The following PDZRN3 variants were observed in gnomAD, a reference collection of about 807,000 sequenced individuals.
PDZRN3 encodes E3 ubiquitin-protein ligase PDZRN3.
A neutral mutation model predicts 85.7 loss-of-function variants in PDZRN3; 38 were observed. That is an observed-to-expected ratio of 0.44 (90% CI 0.34 to 0.58). PDZRN3 has a LOEUF of 0.58. PDZRN3 is among the 20% of genes least tolerant of loss of function. The pLI is 0.01. For missense variants in PDZRN3, 1,629 were observed against 1,506.4 expected, an observed-to-expected ratio of 1.08 and a Z score of -1.35; for synonymous variants, 759 against 638.0, an observed-to-expected ratio of 1.19 and a Z score of -2.86.
At chr3:73,540,087 GAAAAAAAAAAAAAA>G (rs1168662549) in intron 3 of PDZRN3, among the ~76,000 whole-genome samples, 1 of 50,004 alleles carries the variant, frequency 2.0e-5, no homozygotes, top group African/African-American at 7.5e-5. Flanking sequence ...ACTGTTGGAT[GAAAAAAAAAAAAAA>G]AAAAAAAAAA....
chr3:73,421,363 T>C (rs1179867477), intron 3 of PDZRN3, among the ~76,000 whole-genome samples: 1 of 152,202 alleles, frequency 6.6e-6, no homozygotes, highest in Non-Finnish European at 1.5e-5. Flanking sequence ...AACCCAAGCC[T>C]TCCCCTTTTA....
At chr3:73,433,947 C>T in intron 3 of PDZRN3, 3 of 1,368,476 alleles carry the variant, frequency 2.2e-6, no homozygotes, top group Non-Finnish European at 2.8e-6. Context: ...CACACATACA[C>T]ACAGACATAC....
In PDZRN3 at chr3:73,500,296, A is replaced by G. The variant is rs185653071; in HGVS notation, c.919-95901T>C. On this transcript the variant is annotated intron_variant, in intron 3 of 9. Transcript: ENST00000263666. Reference sequence around the variant, plus strand: ...ACTCCTGGGCTCAAGCAATTCTCCAACCTCAGCCTCCTAAAGTGCTGGGAT... The same window carrying G: ...ACTCCTGGGCTCAAGCAATTCTCCAGCCTCAGCCTCCTAAAGTGCTGGGAT... Among the ~76,000 whole-genome samples the G allele has an allele frequency of 2.4e-3, 369 of 151,908 alleles. 1 individual carries two copies. Among genetic ancestry groups the G allele is most frequent in the Non-Finnish European group, 4.2e-3 (282 of 67,940 alleles).
At chr3:73,510,552 A>G (rs1239410046) in intron 3 of PDZRN3, among the ~76,000 whole-genome samples, 1 of 152,238 alleles carries the variant, frequency 6.6e-6, no homozygotes, top group Non-Finnish European at 1.5e-5. Flanking sequence ...CACAAAATAC[A>G]GAAGGAAAGA....
chr3:73,402,228 T>C (rs745932647), intron 4 of PDZRN3, among the ~76,000 whole-genome samples: 3 of 152,140 alleles, frequency 2.0e-5, no homozygotes, highest in Non-Finnish European at 2.9e-5. Context: ...AAATTACAGG[T>C]TTAGCTTCTA....
chr3:73,391,055 G>C lies in PDZRN3; in HGVS notation c.1316C>G (p.Thr439Arg), dbSNP rs201195316. ...DKLGLTVCYR[T>R]DDEDDIGIYI... ...AATCCCAATGTCGTCTTCATCGTCCGTCCGGTAGCACACAGTGAGGCCCAG... is the reference window on the plus strand; with the variant it reads ...AATCCCAATGTCGTCTTCATCGTCCCTCCGGTAGCACACAGTGAGGCCCAG... The change falls in exon 6 of 10, where the codon ACG becomes AGG. Residue 439 changes from threonine to arginine, a missense_variant. Coordinates refer to ENST00000263666, the MANE Select transcript of PDZRN3 (RefSeq NM_015009.3). 1.4e-4 allele frequency: 220 copies of C among 1,613,458 alleles called. No individual in the cohort carries two copies. Among genetic ancestry groups the C allele is most frequent in the Non-Finnish European group, 1.5e-4 (178 of 1,179,604 alleles).
intron 3 of PDZRN3, among the ~76,000 whole-genome samples, chr3:73,428,258 G>C (rs1702358551): frequency 6.6e-6 from 1 of 152,186 alleles, no homozygotes; most frequent in East Asian, 1.9e-4. Flanking sequence ...GGTGGGTCGG[G>C]TGAACGTGTT....
chr3:73,460,264 G>A (rs931456953), intron 3 of PDZRN3, among the ~76,000 whole-genome samples: 4 of 152,168 alleles, frequency 2.6e-5, no homozygotes, highest in Admixed American at 6.5e-5. Context: ...TATATCAATA[G>A]GTGAGAGTGC....
chr3:73,522,171 G>A (rs1559720587), intron 3 of PDZRN3, among the ~76,000 whole-genome samples: 1 of 152,144 alleles, frequency 6.6e-6, no homozygotes, highest in Non-Finnish European at 1.5e-5. Context: ...TTCCGACAGA[G>A]ACAGCATAAC....
intron 3 of PDZRN3, among the ~76,000 whole-genome samples, chr3:73,456,760 G>A (rs148543978): frequency 7.2e-5 from 11 of 152,232 alleles, no homozygotes; most frequent in Admixed American, 4.6e-4. Flanking sequence ...CTGGACCAAC[G>A]TTCAAGACTA....
Position 73,386,873 on chromosome 3 carries a change from C to T in PDZRN3, c.1519-1088G>A, listed in dbSNP as rs1053242319. Among the ~76,000 whole-genome samples, 33 of 150,332 alleles carry T rather than the reference C, an allele frequency of 2.2e-4. 2 individuals are homozygous for T. Among genetic ancestry groups the T allele is most frequent in the African/African-American group, 6.5e-4 (26 of 39,858 alleles). ...CTGTCTGTCTCTCGGCTTTTTCAAT[C>T]GGGTTTCATACTGATATGGTTTGGC... On this transcript the variant is annotated intron_variant, in intron 8 of 9. Coordinates refer to ENST00000263666, the MANE Select transcript of PDZRN3 (RefSeq NM_015009.3).
intron 3 of PDZRN3, among the ~76,000 whole-genome samples, chr3:73,454,240 A>G (rs1702933429): frequency 6.6e-6 from 1 of 152,184 alleles, no homozygotes; most frequent in African/African-American, 2.4e-5. Flanking sequence ...CCATCTATAC[A>G]AACCCAGAGA....
intron 3 of PDZRN3, among the ~76,000 whole-genome samples, chr3:73,547,439 G>A (rs1419175832): frequency 6.6e-6 from 1 of 152,232 alleles, no homozygotes; most frequent in Non-Finnish European, 1.5e-5. Flanking sequence ...CTGATGCATA[G>A]GCAGTCCCTT....
rs545159598 is a variant in PDZRN3 at position 73,532,025 on chromosome 3, G to A, written c.918+70329C>T. 8.5e-5 allele frequency among the ~76,000 whole-genome samples: 13 copies of A among 152,052 alleles called. No individual in the cohort carries two copies. In the South Asian group the frequency reaches 2.3e-3, roughly 27 times the overall value. On this transcript the variant is annotated intron_variant, in intron 3 of 9. Coordinates refer to ENST00000263666, the MANE Select transcript of PDZRN3 (RefSeq NM_015009.3). ...AAATTCCAAACTTTTTTTTTGAGAC[G>A]GAGTCTCGCTCTGTCGCCCAGGCTG... is the stretch of plus-strand genomic sequence containing the variant.
chr3:73,617,329 A>C (rs568152236), intron 1 of PDZRN3, among the ~76,000 whole-genome samples: 1 of 152,334 alleles, frequency 6.6e-6, no homozygotes, highest in South Asian at 2.1e-4. Context: ...TTACAAGAGT[A>C]ATCATTATGT....
chr3:73,573,167 C>A (rs918829805), intron 3 of PDZRN3, among the ~76,000 whole-genome samples: 6 of 152,128 alleles, frequency 3.9e-5, no homozygotes, highest in Non-Finnish European at 8.8e-5. Context: ...AAGACAAGAC[C>A]CCAGAACATA....
chr3:73,408,108 C>G (rs201920898), intron 3 of PDZRN3: 1 of 701,682 alleles, frequency 1.4e-6, no homozygotes, highest in East Asian at 2.7e-5. Context: ...AAATACAGTT[C>G]AAATAAGCCC....
chr3:73,432,383 A>ACTTGTG (rs1002770023), intron 3 of PDZRN3, among the ~76,000 whole-genome samples: 1 of 152,210 alleles, frequency 6.6e-6, no homozygotes, highest in Non-Finnish European at 1.5e-5. Context: ...CACAGGTCGG[A>ACTTGTG]AATGTATTTA....
chr3:73,388,164 G>A lies in PDZRN3; in HGVS notation c.1417-95C>T. ...TCTATTTTATTTCAGACCTGCATTT[G>A]TCACCCACTCACAGTTAGAACATAC... On this transcript the variant is annotated intron_variant, in intron 7 of 9. Coordinates refer to ENST00000263666, the MANE Select transcript of PDZRN3 (RefSeq NM_015009.3). The A allele has an allele frequency of 4.6e-6, 3 of 648,360 alleles. No homozygotes were observed. In the South Asian group the frequency reaches 6.4e-5, roughly 14 times the overall value. The allele number at this position is 648,360 out of a possible 1,614,324, so 40.2% of individuals were successfully genotyped here.
Sources: allele counts gnomAD v4.1 joint callset (sites outside exome capture counted in the v4.1 genomes callset), GRCh38; gene constraint gnomAD v4.1.1; transcripts MANE v1.5; gene names NCBI Gene and HGNC (gene_info 2026-07-23, HGNC 2026-07-21).